Variants in SYT17 observed in about 807,000 individuals in gnomAD.
SYT17 encodes synaptotagmin 17.
Under a neutral mutation model 46.7 loss-of-function variants are expected in SYT17, and 22 were observed. The observed-to-expected ratio is 0.47, with a 90% CI of 0.34 to 0.67. The LOEUF (loss-of-function observed/expected upper bound fraction) is 0.67. SYT17 is among the 30% of genes least tolerant of loss of function. The pLI is 0.01. For synonymous variants in SYT17, 251 were observed against 248.4 expected (o/e 1.01, Z -0.10); for missense variants, 519 against 612.8 (o/e 0.85, Z 1.62).
At chr16:19,205,981 A>C (rs572018701) in intron 5 of SYT17, among the ~76,000 whole-genome samples, 9 of 152,312 alleles carry the variant, frequency 5.9e-5, no homozygotes, top group Admixed American at 3.3e-4. Flanking sequence ...ATGTTCAATA[A>C]ATATTTATGG....
chr16:19,188,161 AG>A (rs1364419406), intron 5 of SYT17, among the ~76,000 whole-genome samples: 1 of 152,228 alleles, frequency 6.6e-6, no homozygotes, highest in Non-Finnish European at 1.5e-5. Context: ...GTCATGAAAA[AG>A]AACAAGATCA....
intron 5 of SYT17, among the ~76,000 whole-genome samples, chr16:19,200,156 T>G (rs11644778): frequency 0.16 from 24,705 of 152,172 alleles, 2,135 homozygotes; most frequent in African/African-American, 0.2. Flanking sequence ...AGGCCTCAGG[T>G]TAGCTCTGGG....
chr16:19,252,250 T>C (rs115768921), intron 7 of SYT17, among the ~76,000 whole-genome samples: 4 of 148,584 alleles, frequency 2.7e-5, no homozygotes, highest in African/African-American at 1.0e-4. Context: ...ACATAAATGT[T>C]GCAGAATTCT....
chr16:19,179,744 G>C (rs907256557), intron 3 of SYT17, among the ~76,000 whole-genome samples: 1 of 152,108 alleles, frequency 6.6e-6, no homozygotes, highest in African/African-American at 2.4e-5. Context: ...ACCCTGTATC[G>C]TCTTCCTTCT....
Position 19,189,416 on chromosome 16 carries a change from A to G in SYT17, c.951+5269A>G, listed in dbSNP as rs183074032. ...ATTGCAGTCGTGTAATCATGGCTCA[A>G]TGCAGCCTTGAACTCCTGGGCTCAA... On this transcript the variant is annotated intron_variant, in intron 5 of 7. Transcript: ENST00000355377. Among the ~76,000 whole-genome samples, 722 of 151,184 alleles carry G rather than the reference A, an allele frequency of 4.8e-3. 15 individuals are homozygous for G. The highest frequency in any genetic ancestry group is 0.045 in the Admixed American group (684 of 15,146).
At chr16:19,171,325 GATT>G (rs140578698) in intron 1 of SYT17, 3 of 142,684 alleles carry the variant, frequency 2.1e-5, no homozygotes, top group Admixed American at 6.6e-5. Context: ...TGATGATGAT[GATT>G]ATGATTATTA....
At chr16:19,217,325 C>T (rs911572211) in intron 5 of SYT17, among the ~76,000 whole-genome samples, 5 of 152,048 alleles carry the variant, frequency 3.3e-5, no homozygotes, top group African/African-American at 1.2e-4. Flanking sequence ...CCATATGGAA[C>T]ATTCCCATCA....
intron 7 of SYT17, among the ~76,000 whole-genome samples, chr16:19,227,955 A>G (rs1246044100): frequency 2.6e-5 from 4 of 152,202 alleles, no homozygotes; most frequent in Non-Finnish European, 5.9e-5. Context: ...CCTTCAGATC[A>G]ATATGAATAC....
At chr16:19,262,065 A>G (rs181130504) in intron 7 of SYT17, among the ~76,000 whole-genome samples, 23 of 152,318 alleles carry the variant, frequency 1.5e-4, no homozygotes, top group African/African-American at 5.3e-4. Flanking sequence ...GGGGTCTTCA[A>G]AATCACCCTC....
At chr16:19,169,078 G>A (rs1407997244) in intron 1 of SYT17, among the ~76,000 whole-genome samples, 5 of 152,074 alleles carry the variant, frequency 3.3e-5, no homozygotes. Flanking sequence ...GGCCGGCGGA[G>A]CGAGCCTGAG....
intron 7 of SYT17, among the ~76,000 whole-genome samples, chr16:19,246,192 A>G (rs1163447038): frequency 1.3e-5 from 2 of 151,936 alleles, no homozygotes; most frequent in African/African-American, 4.8e-5. Flanking sequence ...GGGTTTCACC[A>G]TGTTGGCCAG....
At chr16:19,192,250 T>C (rs2142670034) in intron 5 of SYT17, among the ~76,000 whole-genome samples, 1 of 152,084 alleles carries the variant, frequency 6.6e-6, no homozygotes, top group South Asian at 2.1e-4. Flanking sequence ...TGAAATCCCA[T>C]CTCTACTTTT....
chr16:19,210,548 TA>T (rs2142794902), intron 5 of SYT17, among the ~76,000 whole-genome samples: 2 of 151,886 alleles, frequency 1.3e-5, no homozygotes, highest in South Asian at 4.2e-4. Context: ...AATGTGACTG[TA>T]TTGTCAATGC....
At chr16:19,206,528 C>G (rs1965677697) in intron 5 of SYT17, among the ~76,000 whole-genome samples, 1 of 152,058 alleles carries the variant, frequency 6.6e-6, no homozygotes, top group African/African-American at 2.4e-5. Flanking sequence ...ACACTGGGTG[C>G]CTTAAAACAA....
chr16:19,240,268 G>C lies in SYT17; in HGVS notation c.1228+15430G>C, dbSNP rs146524666. Among the ~76,000 whole-genome samples, 509 of 152,288 alleles carry C rather than the reference G, an allele frequency of 3.3e-3. 7 individuals carry two copies. Among genetic ancestry groups the C allele is most frequent in the African/African-American group, 0.012 (484 of 41,554 alleles). Reference sequence around the variant, plus strand: ...CTTGTCCTGCATCCAGGAAGAATGAGGTACGCAGACAAGTGGAGGGTGAGC... The same window carrying C: ...CTTGTCCTGCATCCAGGAAGAATGACGTACGCAGACAAGTGGAGGGTGAGC... On this transcript the variant is annotated intron_variant, in intron 7 of 7. Coordinates refer to ENST00000355377, the MANE Select transcript of SYT17 (RefSeq NM_016524.4).
chr16:19,178,286 C>T (rs535107989), intron 3 of SYT17, among the ~76,000 whole-genome samples: 48 of 151,762 alleles, frequency 3.2e-4, no homozygotes, highest in African/African-American at 9.7e-4. Context: ...GGGGTTTCAC[C>T]GTGTTAGCTA....
At chr16:19,177,033 T>G (rs1293128768) in intron 3 of SYT17, among the ~76,000 whole-genome samples, 1 of 152,170 alleles carries the variant, frequency 6.6e-6, no homozygotes, top group Non-Finnish European at 1.5e-5. Flanking sequence ...GGTACCTGTT[T>G]GCCCCCTAGA....
At chr16:19,209,803 G>A (rs930098119) in intron 5 of SYT17, among the ~76,000 whole-genome samples, 8 of 151,994 alleles carry the variant, frequency 5.3e-5, no homozygotes, top group South Asian at 2.1e-4. Flanking sequence ...GCGTGAACCC[G>A]GGAGGCGGAA....
chr16:19,266,551 G>A (rs1436535534), intron 7 of SYT17, among the ~76,000 whole-genome samples: 1 of 152,166 alleles, frequency 6.6e-6, no homozygotes, highest in East Asian at 1.9e-4. Flanking sequence ...GTGATGCCGT[G>A]GGACATACGT....
Sources: allele counts gnomAD v4.1 joint callset (sites outside exome capture counted in the v4.1 genomes callset), GRCh38; gene constraint gnomAD v4.1.1; transcripts MANE v1.5; gene names NCBI Gene and HGNC (gene_info 2026-07-23, HGNC 2026-07-21).